Variants in FAM76B observed in about 807,000 individuals in gnomAD.
FAM76B encodes the protein family with sequence similarity 76 member B, also known as protein FAM76B.
In FAM76B, 16 loss-of-function variants were observed where a neutral mutation model predicts 51.8. That is an observed-to-expected ratio of 0.31 (90% CI 0.21 to 0.47). The LOEUF is 0.47. Among genes scored for constraint, FAM76B ranks in the 20% least tolerant of loss-of-function variants. The pLI, the probability that FAM76B is intolerant of heterozygous loss-of-function variation, is 1.00. For missense variants in FAM76B, 342 were observed against 392.6 expected (o/e 0.87, Z 1.09); for synonymous variants, 166 against 129.5 (o/e 1.28, Z -1.91).
intron 9 of FAM76B, among the ~76,000 whole-genome samples, chr11:95,775,274 G>A (rs1037679844): frequency 6.6e-6 from 1 of 151,446 alleles, no homozygotes; most frequent in Non-Finnish European, 1.5e-5. Flanking sequence ...ATCCATGTTG[G>A]ATGTTCACCA....
chr11:95,779,827 A>T, intron 6 of FAM76B, 52 bp downstream of exon 6: 1 of 1,575,362 alleles, frequency 6.3e-7, no homozygotes. Context: ...GGGATATCAC[A>T]TTTATAAATA....
chr11:95,783,742 A>G (rs1860403020), intron 4 of FAM76B, among the ~76,000 whole-genome samples: 1 of 152,212 alleles, frequency 6.6e-6, no homozygotes. Flanking sequence ...CTACCTAGTA[A>G]AATGTATCTG....
At chr11:95,780,046 A>T (rs527906010) in intron 5 of FAM76B, 120 bp from the exon 6 acceptor site, 31 of 917,562 alleles carry the variant, frequency 3.4e-5, no homozygotes, top group Non-Finnish European at 4.9e-5. Context: ...AGAGAAAGGT[A>T]TATTTAAGTT....
intron 4 of FAM76B, among the ~76,000 whole-genome samples, chr11:95,784,101 G>A (rs1860422741): frequency 6.6e-6 from 1 of 152,172 alleles, no homozygotes; most frequent in Admixed American, 6.5e-5. Flanking sequence ...GGAATACTAT[G>A]CAGCTATAGA....
At chr11:95,783,365 A>T in intron 4 of FAM76B, 101 bp from the exon 5 acceptor site, 1 of 937,034 alleles carries the variant, frequency 1.1e-6, no homozygotes, top group Non-Finnish European at 1.6e-6. Flanking sequence ...TTCCACACGT[A>T]ACATGCACAA....
intron 4 of FAM76B, among the ~76,000 whole-genome samples, chr11:95,785,520 G>A (rs1196838289): frequency 6.6e-6 from 1 of 152,184 alleles, no homozygotes; most frequent in East Asian, 1.9e-4. Flanking sequence ...ACATGCTGGA[G>A]GGACATGTCT....
chr11:95,779,795 A>G, intron 6 of FAM76B, 84 bp downstream of exon 6: 1 of 1,552,192 alleles, frequency 6.4e-7, no homozygotes, highest in Non-Finnish European at 8.7e-7. Flanking sequence ...GATTTTGGTA[A>G]GACTTAAGTA....
intron 1 of FAM76B, 170 bp from the exon 2 acceptor site, chr11:95,788,733 T>C (rs138534952): frequency 3.1e-6 from 4 of 1,286,554 alleles, no homozygotes; most frequent in Non-Finnish European, 4.2e-6. Context: ...ACAATATAAT[T>C]CCTTAGGGAA....
intron 4 of FAM76B, among the ~76,000 whole-genome samples, chr11:95,784,182 A>G (rs760548115): frequency 2.0e-5 from 3 of 152,162 alleles, no homozygotes; most frequent in Admixed American, 6.5e-5. Flanking sequence ...CAAACTGACA[A>G]AAGAACAGAA....
chr11:95,782,459 G>C (rs1055369146), intron 5 of FAM76B, among the ~76,000 whole-genome samples: 1 of 151,802 alleles, frequency 6.6e-6, no homozygotes, highest in Admixed American at 6.6e-5. Flanking sequence ...GGTCTATGAG[G>C]GGGTTCTAGA....
chr11:95,783,369 T>TGC, intron 4 of FAM76B, 105 bp from the exon 5 acceptor site: 1 of 895,982 alleles, frequency 1.1e-6, no homozygotes, highest in Non-Finnish European at 1.7e-6. Flanking sequence ...ACACGTAACA[T>TGC]GCACAAATGC....
rs1473174346 is a variant in FAM76B, at chr11:95,789,716, C to G, written c.-238G>C. 4 of 490,312 alleles carry G rather than the reference C, an allele frequency of 8.2e-6. No homozygotes were observed. The highest frequency in any genetic ancestry group is 5.2e-4 in the Middle Eastern group (1 of 1,922). The allele number at this position is 490,312 out of a possible 1,614,324, so 30.4% of individuals were successfully genotyped here. A position where few individuals can be genotyped will look rare whatever the true frequency, so the allele number is the denominator to read the frequency against. On this transcript the variant is annotated 5_prime_UTR_variant, in exon 1 of 10. Coordinates refer to ENST00000358780, the MANE Select transcript of FAM76B (RefSeq NM_144664.5). ...GCCGTGCCAGCCGCTCCCGCTTAGG[C>G]CCCGATAGCGGCGGAGGGAGACGAA...
At chr11:95,779,719 G>T (rs1475372302) in intron 6 of FAM76B, 32 bp from the exon 7 acceptor site, 13 of 1,595,568 alleles carry the variant, frequency 8.1e-6, no homozygotes, top group Non-Finnish European at 1.0e-5. Context: ...AATAGTTAGA[G>T]TAAAAAGGAC....
At chr11:95,779,835 A>G (rs758483017) in intron 6 of FAM76B, 44 bp downstream of exon 6, 3 of 1,581,058 alleles carry the variant, frequency 1.9e-6, no homozygotes, top group Non-Finnish European at 2.6e-6. Context: ...ACATTTATAA[A>G]TATACATTTC....
Position 95,788,775 on chromosome 11 carries a change from G to C in FAM76B, c.88-212C>G, listed in dbSNP as rs1040480631. 2.8e-6 allele frequency: 4 copies of C among 1,431,776 alleles called. No homozygotes were observed. In the Admixed American group the frequency reaches 8.7e-5, roughly 31 times the overall value. The allele number at this position is 1,431,776 out of a possible 1,614,324, so 88.7% of individuals were successfully genotyped here. A position where few individuals can be genotyped will look rare whatever the true frequency, so the allele number is the denominator to read the frequency against. On this transcript the variant is annotated intron_variant, in intron 1 of 9. Coordinates refer to ENST00000358780, the MANE Select transcript of FAM76B (RefSeq NM_144664.5). ...GGTGTCTTTGTCTTTAGTAGACGTG[G>C]GGGTATATTACAGACAAATTAAGAA...
intron 5 of FAM76B, among the ~76,000 whole-genome samples, chr11:95,780,189 T>C (rs937210034): frequency 6.6e-6 from 1 of 151,894 alleles, no homozygotes; most frequent in South Asian, 2.1e-4. Flanking sequence ...TTTAATATCA[T>C]ACAAAGGGTG....
rs563469134 is a variant in FAM76B, at chr11:95,784,536, CAATTA to C, written c.364-1277_364-1273del. 1.5e-4 allele frequency among the ~76,000 whole-genome samples: 22 copies of C among 149,570 alleles called. 1 individual carries two copies. The highest frequency in any genetic ancestry group is 6.0e-4 in the Admixed American group (9 of 15,036). On this transcript the variant is annotated intron_variant, in intron 4 of 9. Transcript: ENST00000358780. Reference sequence around the variant, plus strand: ...CTCTTAGCACTGTTGGCCATGAGTGCAATTAAATTAATCGACAGTGTGTGTGTGTA... The same window carrying C: ...CTCTTAGCACTGTTGGCCATGAGTGCAATTAATCGACAGTGTGTGTGTGTA...
chr11:95,787,147 T>G (rs1193264606), intron 3 of FAM76B, among the ~76,000 whole-genome samples: 2 of 152,210 alleles, frequency 1.3e-5, no homozygotes, highest in African/African-American at 4.8e-5. Flanking sequence ...AATTTGACTG[T>G]TTTTAAATGT....
At position 95,786,279 on chromosome 11, in the gene FAM76B, A is replaced by G. The variant is rs1428249280; in HGVS notation, c.208-5T>C. The G allele has an allele frequency of 1.9e-6, 3 of 1,613,642 alleles. No homozygotes were observed. The highest frequency in any genetic ancestry group is 2.5e-6 in the Non-Finnish European group (3 of 1,179,744). ...ACAGTACTGACAAGGCTTGGGCTGA[A>G]AAACATACACATTTTGAGACTTTTA... On this transcript the variant is annotated splice_region_variant and splice_polypyrimidine_tract_variant and intron_variant, in intron 3 of 9. Transcript: ENST00000358780.
Sources: gnomAD v4.1 joint callset for allele counts (sites outside exome capture counted in the v4.1 genomes callset) on GRCh38, gnomAD v4.1.1 for gene constraint, MANE v1.5 for transcripts, NCBI Gene and HGNC (gene_info 2026-07-23, HGNC 2026-07-21) for gene names.